Variants in CIMAP3 observed in about 807,000 individuals in gnomAD.
CIMAP3 encodes the protein ciliary microtubule associated protein 3, also known as ciliary microtubule-associated protein 3.
At chr1:111,346,425 C>G in the CIMAP3 span, 1 of 544,238 alleles carries the variant, frequency 1.8e-6, no homozygotes, top group Admixed American at 3.2e-5. Flanking sequence ...AGCCGCGAAT[C>G]CAGGAAACCC....
At chr1:111,330,975 C>G in the CIMAP3 span, among the ~76,000 whole-genome samples, 1 of 152,276 alleles carries the variant, frequency 6.6e-6, no homozygotes, top group African/African-American at 2.4e-5. Flanking sequence ...TCTTGACTGG[C>G]AATTTTTTCT....
At chr1:111,346,005 C>A in the CIMAP3 span, among the ~76,000 whole-genome samples, 1 of 151,954 alleles carries the variant, frequency 6.6e-6, no homozygotes, top group Non-Finnish European at 1.5e-5. Flanking sequence ...AATTTGACTG[C>A]CCCAACTTCT....
the CIMAP3 span, among the ~76,000 whole-genome samples, chr1:111,335,207 T>C: frequency 6.9e-6 from 1 of 144,316 alleles, no homozygotes; most frequent in East Asian, 2.2e-4. Context: ...GAAAATTTCC[T>C]ACAAGAGAGG....
the CIMAP3 span, among the ~76,000 whole-genome samples, chr1:111,337,867 C>T: frequency 6.6e-6 from 1 of 151,788 alleles, no homozygotes; most frequent in Non-Finnish European, 1.5e-5. Context: ...CTACAGAACT[C>T]TCCACACCAA....
the CIMAP3 span, chr1:111,324,949 C>G: frequency 1.1e-5 from 10 of 874,310 alleles, no homozygotes; most frequent in Non-Finnish European, 1.2e-5. Flanking sequence ...GCATTGGAGT[C>G]TAACTGGAAA....
chr1:111,331,663 A>G, the CIMAP3 span, among the ~76,000 whole-genome samples: 1 of 151,140 alleles, frequency 6.6e-6, no homozygotes, highest in Admixed American at 6.6e-5. Context: ...TAATATTATT[A>G]TTTTAAATTC....
chr1:111,350,313 A>T, the CIMAP3 span: 1 of 1,065,844 alleles, frequency 9.4e-7, no homozygotes, highest in South Asian at 1.6e-5. Context: ...TCTGTGAATG[A>T]ACTTCAGGAA....
chr1:111,331,932 A>C, the CIMAP3 span, among the ~76,000 whole-genome samples: 1 of 152,178 alleles, frequency 6.6e-6, no homozygotes, highest in Non-Finnish European at 1.5e-5. Context: ...TAGGTGGAGT[A>C]GTAGTGTGTT....
At chr1:111,346,529 C>T in the CIMAP3 span, 1 of 1,511,484 alleles carries the variant, frequency 6.6e-7, no homozygotes, top group South Asian at 1.2e-5. Flanking sequence ...GTGGACGCCC[C>T]AACTTGCCGC....
chr1:111,325,879 TAGG>T, the CIMAP3 span, among the ~76,000 whole-genome samples: 1 of 152,076 alleles, frequency 6.6e-6, no homozygotes, highest in Non-Finnish European at 1.5e-5. Flanking sequence ...AAACCAGTAT[TAGG>T]AGAACTAATA....
chr1:111,327,693 C>T, the CIMAP3 span, among the ~76,000 whole-genome samples: 4 of 152,112 alleles, frequency 2.6e-5, no homozygotes, highest in Admixed American at 1.3e-4. Context: ...TCTGTGGGAT[C>T]GGTTGTAACA....
At chr1:111,340,510 G>GA in the CIMAP3 span, among the ~76,000 whole-genome samples, 3 of 151,626 alleles carry the variant, frequency 2.0e-5, no homozygotes, top group Non-Finnish European at 4.4e-5. Context: ...AAATTTACAA[G>GA]AAAAAAACAA....
chr1:111,348,433 TTC>T, the CIMAP3 span: 1 of 1,311,870 alleles, frequency 7.6e-7, no homozygotes, highest in South Asian at 1.7e-5. Context: ...AAGAGGATGA[TTC>T]TGTTTTTTCT....
At chr1:111,338,083 C>A in the CIMAP3 span, among the ~76,000 whole-genome samples, 1 of 149,634 alleles carries the variant, frequency 6.7e-6, no homozygotes, top group Non-Finnish European at 1.5e-5. Flanking sequence ...GAACAACCTG[C>A]TCCTGAATGA....
the CIMAP3 span, chr1:111,351,456 G>A: frequency 1.4e-6 from 1 of 709,772 alleles, no homozygotes. Context: ...GGAGGGACAG[G>A]GGCTTATAGC....
chr1:111,336,103 A>G, the CIMAP3 span, among the ~76,000 whole-genome samples: 2 of 152,332 alleles, frequency 1.3e-5, no homozygotes, highest in Admixed American at 6.5e-5. Context: ...TCTGGAGTGG[A>G]CCTCTAGCAA....
At chr1:111,335,863 G>A in the CIMAP3 span, among the ~76,000 whole-genome samples, 17 of 152,340 alleles carry the variant, frequency 1.1e-4, no homozygotes, top group Admixed American at 3.3e-4. Context: ...CTCCCAGCAC[G>A]CAGCTGGAGA....
At chr1:111,347,060 A>G in the CIMAP3 span, 1 of 1,598,992 alleles carries the variant, frequency 6.3e-7, no homozygotes, top group Non-Finnish European at 8.5e-7. Context: ...GTGAGTATTC[A>G]CCTCCCCTTA....
At chr1:111,330,884 A>C in the CIMAP3 span, among the ~76,000 whole-genome samples, 1 of 152,252 alleles carries the variant, frequency 6.6e-6, no homozygotes, top group Non-Finnish European at 1.5e-5. Flanking sequence ...GGTGATGAGC[A>C]GTTGTGGGGA....
Sources: allele counts gnomAD v4.1 joint callset (sites outside exome capture counted in the v4.1 genomes callset), GRCh38; gene constraint gnomAD v4.1.1; transcripts MANE v1.5; gene names NCBI Gene and HGNC (gene_info 2026-07-23, HGNC 2026-07-21).